PACC1: variants seen among roughly 807,000 people sequenced by gnomAD.
The protein encoded by PACC1 is proton-activated chloride channel.
A neutral mutation model predicts 39.7 loss-of-function variants in PACC1; 34 were observed. That is an observed-to-expected ratio of 0.86 (90% CI 0.65 to 1.14). The LOEUF (loss-of-function observed/expected upper bound fraction) is 1.14. Among genes scored for constraint, PACC1 ranks in the 50% most tolerant of loss-of-function variants. PACC1 has a pLI of 0.00. For missense variants in PACC1, 379 were observed against 436.4 expected, an observed-to-expected ratio of 0.87 and a Z score of 1.17; for synonymous variants, 127 against 160.6, an observed-to-expected ratio of 0.79 and a Z score of 1.58.
chr1:212,388,232 T>C (rs1661176815), intron 2 of PACC1, among the ~76,000 whole-genome samples: 1 of 152,092 alleles, frequency 6.6e-6, no homozygotes, highest in African/African-American at 2.4e-5. Flanking sequence ...GGCTGTGAGT[T>C]CCATGAGGGC....
At chr1:212,369,025 C>CAA (rs60126911) in intron 7 of PACC1, among the ~76,000 whole-genome samples, 201 of 122,804 alleles carry the variant, frequency 1.6e-3, no homozygotes, top group East Asian at 0.012. Context: ...GACTCCGTCT[C>CAA]AAAAAAAAAA....
chr1:212,391,762 T>C (rs1438423192), intron 2 of PACC1, among the ~76,000 whole-genome samples: 1 of 152,168 alleles, frequency 6.6e-6, no homozygotes, highest in African/African-American at 2.4e-5. Flanking sequence ...CTGATGGAGC[T>C]GAAACCCATG....
intron 2 of PACC1, among the ~76,000 whole-genome samples, chr1:212,399,732 T>G (rs1477388902): frequency 3.3e-5 from 5 of 152,276 alleles, no homozygotes; most frequent in Admixed American, 1.3e-4. Flanking sequence ...ATTGTAGAGA[T>G]GGGGTTTCAC....
chr1:212,367,411 G>C (rs1660284978), intron 7 of PACC1, among the ~76,000 whole-genome samples: 1 of 152,174 alleles, frequency 6.6e-6, no homozygotes, highest in African/African-American at 2.4e-5. Context: ...AGGGAAAACA[G>C]CACCAGGCAG....
In PACC1 at chr1:212,365,058, G is replaced by C. The variant is rs1390937886; in HGVS notation, c.*157C>G. ...TATTAGGCTCTACACCGCCTCTTTT[G>C]GGACGGGGTTAGAAGTTCCAGTTTT... On this transcript the variant is annotated 3_prime_UTR_variant, in exon 8 of 8. Coordinates refer to ENST00000261455, the MANE Select transcript of PACC1 (RefSeq NM_018252.3). 1.7e-6 allele frequency: 1 copy of C among 586,818 alleles called. No homozygotes were observed. Among genetic ancestry groups the C allele is most frequent in the East Asian group, 3.0e-5 (1 of 33,314 alleles). The allele number at this position is 586,818 out of a possible 1,614,324, so 36.4% of individuals were successfully genotyped here.
chr1:212,367,098 G>A (rs550295041), intron 7 of PACC1, among the ~76,000 whole-genome samples: 1 of 152,286 alleles, frequency 6.6e-6, no homozygotes, highest in South Asian at 2.1e-4. Context: ...TCATGAGTCA[G>A]AATTTGACGT....
intron 2 of PACC1, among the ~76,000 whole-genome samples, chr1:212,392,679 T>C (rs1645303431): frequency 6.6e-6 from 1 of 152,086 alleles, no homozygotes; most frequent in Non-Finnish European, 1.5e-5. Flanking sequence ...GTGTGCTGTA[T>C]TCAGGAAACC....
intron 4 of PACC1, among the ~76,000 whole-genome samples, chr1:212,384,136 GTTTTTTATGC>G (rs1661009156): frequency 6.6e-6 from 1 of 152,124 alleles, no homozygotes; most frequent in African/African-American, 2.4e-5. Context: ...GGCCCAAGCT[GTTTTTTATGC>G]TTTATACCAG....
intron 7 of PACC1, among the ~76,000 whole-genome samples, chr1:212,371,249 AAAAAAAAAAAG>A (rs796594518): frequency 0.023 from 3,432 of 150,750 alleles, 155 homozygotes; most frequent in African/African-American, 0.079. Flanking sequence ...TTCAAAAAAA[AAAAAAAAAAAG>A]AAAGAAAAGT....
At chr1:212,395,868 A>G (rs1212941372) in intron 2 of PACC1, among the ~76,000 whole-genome samples, 3 of 152,254 alleles carry the variant, frequency 2.0e-5, no homozygotes, top group Admixed American at 2.0e-4. Flanking sequence ...AGAGAAATGC[A>G]AATCAAAACC....
At chr1:212,383,401 CGAG>C (rs1558170597) in intron 4 of PACC1, among the ~76,000 whole-genome samples, 3 of 152,120 alleles carry the variant, frequency 2.0e-5, no homozygotes, top group African/African-American at 7.2e-5. Context: ...GAAGCAGCCA[CGAG>C]TTTTCATTAG....
chr1:212,409,585 G>A (rs1662048597), intron 2 of PACC1, among the ~76,000 whole-genome samples: 1 of 152,148 alleles, frequency 6.6e-6, no homozygotes, highest in Non-Finnish European at 1.5e-5. Flanking sequence ...TACCATTCCT[G>A]CAAACAGGAA....
chr1:212,414,597 C>CCGT, intron 1 of PACC1, 125 bp downstream of exon 1: 1 of 1,231,174 alleles, frequency 8.1e-7, no homozygotes, highest in Non-Finnish European at 1.1e-6. Context: ...CCTGACGCAC[C>CCGT]CGTCGGTCCC....
intron 2 of PACC1, among the ~76,000 whole-genome samples, chr1:212,390,404 CAA>C (rs970315608): frequency 4.7e-5 from 5 of 105,310 alleles, no homozygotes; most frequent in Non-Finnish European, 9.7e-5. Context: ...GCCTAGGAAA[CAA>C]GAGCAAAACT....
rs537286230 is a variant in PACC1, at chr1:212,414,659, C to G, written c.36+63G>C. Reference sequence around the variant, plus strand: ...CCGACACCCCCCGCCCCGCATCCGCCCAGGCCCCCGGGACCCTGCTCCTCC... The same window carrying G: ...CCGACACCCCCCGCCCCGCATCCGCGCAGGCCCCCGGGACCCTGCTCCTCC... On this transcript the variant is annotated intron_variant, in intron 1 of 7. Coordinates refer to ENST00000261455, the MANE Select transcript of PACC1 (RefSeq NM_018252.3). 2.5e-6 allele frequency: 4 copies of G among 1,600,394 alleles called. No individual in the cohort carries two copies. The African/African-American group carries it at 5.4e-5, about 21-fold the overall frequency.
intron 1 of PACC1, among the ~76,000 whole-genome samples, chr1:212,413,694 C>G (rs1004964271): frequency 6.6e-6 from 1 of 152,186 alleles, no homozygotes; most frequent in African/African-American, 2.4e-5. Context: ...CTGTTCAGAG[C>G]TTTGGGAGCC....
chr1:212,377,024 G>A (rs1046888062), intron 6 of PACC1: 4 of 153,604 alleles, frequency 2.6e-5, no homozygotes, highest in Non-Finnish European at 5.8e-5. Context: ...AGAGTTATAT[G>A]TATATGGAGT....
intron 2 of PACC1, among the ~76,000 whole-genome samples, chr1:212,394,606 A>G (rs1192894939): frequency 6.6e-6 from 1 of 152,204 alleles, no homozygotes; most frequent in Non-Finnish European, 1.5e-5. Flanking sequence ...CAGGAGAAGG[A>G]AATAAAGGGT....
At chr1:212,407,582 GCTA>G (rs1661963616) in intron 2 of PACC1, among the ~76,000 whole-genome samples, 1 of 152,210 alleles carries the variant, frequency 6.6e-6, no homozygotes, top group African/African-American at 2.4e-5. Flanking sequence ...GATTAGCCGT[GCTA>G]CTATCTTTTA....
Sources: gnomAD v4.1 joint callset for allele counts (sites outside exome capture counted in the v4.1 genomes callset) on GRCh38, gnomAD v4.1.1 for gene constraint, MANE v1.5 for transcripts, NCBI Gene and HGNC (gene_info 2026-07-23, HGNC 2026-07-21) for gene names.